The following NLRP13 variants were observed in gnomAD, a reference collection of about 807,000 sequenced individuals.
NLRP13 encodes NLR family pyrin domain containing 13.
A neutral mutation model predicts 94.4 loss-of-function variants in NLRP13; 82 were observed. The observed-to-expected ratio is 0.87, with a 90% CI of 0.73 to 1.04. NLRP13 has a LOEUF of 1.04. Ranked by LOEUF, NLRP13 falls within the 50% of genes least tolerant of loss-of-function variation. The pLI is 0.00. For missense variants in NLRP13, 1,426 were observed against 1,230.8 expected (o/e 1.16, Z -2.37); for synonymous variants, 553 against 464.7 (o/e 1.19, Z -2.45).
At chr19:55,910,984 T>C (rs146323933) in intron 5 of NLRP13, among the ~76,000 whole-genome samples, 496 of 152,176 alleles carry the variant, frequency 3.3e-3, no homozygotes, top group Non-Finnish European at 5.8e-3. Flanking sequence ...TAGTGGTGCA[T>C]GCCTGTAATC....
chr19:55,903,191 C>T lies in NLRP13; in HGVS notation c.2619-986G>A, dbSNP rs756067951. ...CTACACATTGTATCATGATCATACA[C>T]GTATAATTACACACGTATGATTAAC... On this transcript the variant is annotated intron_variant, in intron 8 of 10. Coordinates refer to ENST00000342929, the MANE Select transcript of NLRP13 (RefSeq NM_176810.2). Among the ~76,000 whole-genome samples the T allele has an allele frequency of 2.5e-4, 38 of 151,986 alleles. 1 individual carries two copies. Among genetic ancestry groups the T allele is most frequent in the Admixed American group, 1.3e-3 (20 of 15,248 alleles).
rs1986525218 is a variant in NLRP13 at position 55,911,885 on chromosome 19, C to T, written c.1932G>A (p.Glu644=). 43 of 1,614,144 alleles carry T rather than the reference C, an allele frequency of 2.7e-5. No individual in the cohort carries two copies. The highest frequency in any genetic ancestry group is 3.6e-5 in the Non-Finnish European group (43 of 1,179,996). The change falls in exon 5 of 11, where the codon GAG becomes GAA. Residue 644 remains glutamate, a synonymous_variant. Coordinates refer to ENST00000342929, the MANE Select transcript of NLRP13 (RefSeq NM_176810.2). ...TCTTTGTGAAGTCTTCCTCCTGGGA[C>T]TCGTGTAGGCAGTGAAAAAGTCGTA... The part of the protein sequence containing the change: ...HILRLFHCLH[E]SQEEDFTKKM...
intron 4 of NLRP13, among the ~76,000 whole-genome samples, chr19:55,923,428 G>A (rs1303917737): frequency 6.6e-6 from 1 of 152,200 alleles, no homozygotes; most frequent in Non-Finnish European, 1.5e-5. Flanking sequence ...AGAATGCAGG[G>A]AAGTTTATCT....
chr19:55,916,138 G>C (rs537055157), intron 4 of NLRP13, among the ~76,000 whole-genome samples: 2 of 152,268 alleles, frequency 1.3e-5, no homozygotes, highest in Admixed American at 1.3e-4. Flanking sequence ...GGAATTTATA[G>C]AGTCTTTGTC....
Position 55,925,038 on chromosome 19 carries a change from GAAAC to G in NLRP13, c.320-7_320-4del, listed in dbSNP as rs745803102. 34 of 1,613,474 alleles carry G rather than the reference GAAAC, an allele frequency of 2.1e-5. No homozygotes were observed. The Admixed American group carries it at 2.2e-4, about 10-fold the overall frequency. On this transcript the variant is annotated splice_region_variant and splice_polypyrimidine_tract_variant and intron_variant, in intron 1 of 10. Transcript: ENST00000342929. ...CAGCTCTTGGGTCTGCACATTCTCT[GAAAC>G]AAACAGTGATGATGACATATGAGAA...
In NLRP13 at chr19:55,896,535, A is replaced by AG. The variant is rs1555813128; in HGVS notation, c.2958-417dup. Among the ~76,000 whole-genome samples, 335 of 141,380 alleles carry AG rather than the reference A, an allele frequency of 2.4e-3. 2 individuals are homozygous for AG. Among genetic ancestry groups the AG allele is most frequent in the African/African-American group, 8.4e-3 (316 of 37,686 alleles). The allele number at this position is 141,380 out of a possible 152,430, so 92.8% of individuals were successfully genotyped here. A position where few individuals can be genotyped will look rare whatever the true frequency, so the allele number is the denominator to read the frequency against. On this transcript the variant is annotated intron_variant, in intron 10 of 10. Coordinates refer to ENST00000342929, the MANE Select transcript of NLRP13 (RefSeq NM_176810.2). Reference sequence around the variant, plus strand: ...TTCTGTCTCAAAAAAAAAAAAAAAAAGGGCTGGGCGCGGTGGCTCACACCT... The same window carrying AG: ...TTCTGTCTCAAAAAAAAAAAAAAAAAGGGGCTGGGCGCGGTGGCTCACACCT...
chr19:55,907,037 G>A (rs990307781), intron 7 of NLRP13, among the ~76,000 whole-genome samples: 1 of 152,066 alleles, frequency 6.6e-6, no homozygotes, highest in Non-Finnish European at 1.5e-5. Context: ...TTGGCTCACT[G>A]CAACCTCCGC....
rs190657342 is a variant in NLRP13, at chr19:55,918,826, T to C, written c.523+5088A>G. ...GAACTGGTACCAATCCTACTGAAACTGTTGCAGAAAAAGATGTTGGAGAGG... is the reference window on the plus strand; with the variant it reads ...GAACTGGTACCAATCCTACTGAAACCGTTGCAGAAAAAGATGTTGGAGAGG... On this transcript the variant is annotated intron_variant, in intron 4 of 10. Coordinates refer to ENST00000342929, the MANE Select transcript of NLRP13 (RefSeq NM_176810.2). 1.1e-4 allele frequency among the ~76,000 whole-genome samples: 16 copies of C among 152,220 alleles called. No individual in the cohort carries two copies. The East Asian group carries it at 2.5e-3, about 24-fold the overall frequency.
intron 7 of NLRP13, among the ~76,000 whole-genome samples, chr19:55,906,591 CAG>C (rs1264637160): frequency 6.6e-6 from 1 of 152,034 alleles, no homozygotes; most frequent in Non-Finnish European, 1.5e-5. Flanking sequence ...CTTCTCACAT[CAG>C]AGAGATCATT....
At chr19:55,896,776 G>A (rs530627205) in intron 10 of NLRP13, among the ~76,000 whole-genome samples, 47 of 126,720 alleles carry the variant, frequency 3.7e-4, no homozygotes, top group Middle Eastern at 6.5e-3. Context: ...TCAAGATTGC[G>A]CCACTGCACT....
At chr19:55,929,423 C>T (rs1987050952) in intron 1 of NLRP13, among the ~76,000 whole-genome samples, 1 of 152,198 alleles carries the variant, frequency 6.6e-6, no homozygotes, top group African/African-American at 2.4e-5. Flanking sequence ...GGCACATATA[C>T]ACCATGGAAT....
intron 6 of NLRP13, among the ~76,000 whole-genome samples, chr19:55,910,246 CTTGAGTGCT>C (rs1986465400): frequency 6.6e-6 from 1 of 152,208 alleles, no homozygotes; most frequent in South Asian, 2.1e-4. Flanking sequence ...TGTAGCTCTT[CTTGAGTGCT>C]TTGAGTCCAC....
chr19:55,898,624 CGTGAGCCACCACACCTGGGT>C (rs1416540116), intron 10 of NLRP13, 126 bp downstream of exon 10: 6 of 819,954 alleles, frequency 7.3e-6, no homozygotes, highest in Non-Finnish European at 1.1e-5. Context: ...GGGTTACGGG[CGTGAGCCACCACACCTGGGT>C]GAGATTTCTT....
rs748227163 is a variant in NLRP13, at chr19:55,924,931, A to G, written c.388+36T>C. The G allele has an allele frequency of 1.1e-5, 17 of 1,559,944 alleles. No individual in the cohort carries two copies. In the African/African-American group the frequency reaches 1.9e-4, roughly 17 times the overall value. On this transcript the variant is annotated intron_variant, in intron 2 of 10. Coordinates refer to ENST00000342929, the MANE Select transcript of NLRP13 (RefSeq NM_176810.2). ...CCAGTGAATGAGTGCTCCATCAAGCAACCTGTCCATTATCAACTTAAAGTA... is the reference window on the plus strand; with the variant it reads ...CCAGTGAATGAGTGCTCCATCAAGCGACCTGTCCATTATCAACTTAAAGTA...
rs149025488 is a variant in NLRP13 at position 55,915,051 on chromosome 19, G to A, written c.524-1758C>T. Among the ~76,000 whole-genome samples, 133 of 152,254 alleles carry A rather than the reference G, an allele frequency of 8.7e-4. 1 individual carries two copies. The highest frequency in any genetic ancestry group is 3.4e-3 in the Middle Eastern group (1 of 294). ...TACTAGAAGCTGGGGAATGGCACGG[G>A]GAAAAGAGAGGGAAAGGAGAAATTT... On this transcript the variant is annotated intron_variant, in intron 4 of 10. Transcript: ENST00000342929.
intron 3 of NLRP13, among the ~76,000 whole-genome samples, 198 bp from the exon 4 acceptor site, chr19:55,924,177 C>T (rs944406650): frequency 1.3e-5 from 2 of 152,118 alleles, no homozygotes; most frequent in African/African-American, 4.8e-5. Flanking sequence ...CGCTAGAGTG[C>T]AGTGGTACCA....
intron 4 of NLRP13, among the ~76,000 whole-genome samples, chr19:55,915,325 C>T (rs886274908): frequency 4.6e-5 from 7 of 152,066 alleles, no homozygotes; most frequent in African/African-American, 7.2e-5. Flanking sequence ...CAGCCATGTG[C>T]GGTGGCTCAT....
intron 1 of NLRP13, among the ~76,000 whole-genome samples, chr19:55,928,854 C>A (rs963379267): frequency 7.9e-5 from 12 of 152,204 alleles, no homozygotes; most frequent in African/African-American, 2.9e-4. Context: ...TACAGGCAAC[C>A]TGCAGAATGG....
chr19:55,924,395 T>A (rs943628768), intron 3 of NLRP13, among the ~76,000 whole-genome samples, 195 bp downstream of exon 3: 2 of 152,180 alleles, frequency 1.3e-5, no homozygotes, highest in African/African-American at 4.8e-5. Flanking sequence ...AGTGCTGGAA[T>A]TGCAGATATG....
Sources: allele counts gnomAD v4.1 joint callset (sites outside exome capture counted in the v4.1 genomes callset), GRCh38; gene constraint gnomAD v4.1.1; transcripts MANE v1.5; gene names NCBI Gene and HGNC (gene_info 2026-07-23, HGNC 2026-07-21).